MYLK4: variants seen among roughly 807,000 people sequenced by gnomAD.
The protein encoded by MYLK4 is myosin light chain kinase family member 4.
In MYLK4, 46 loss-of-function variants were observed where a neutral mutation model predicts 48.1. That is an observed-to-expected ratio of 0.96 (90% confidence interval 0.75 to 1.22). MYLK4 has a LOEUF of 1.22. Ranked by LOEUF, MYLK4 falls within the 50% of genes most tolerant of loss-of-function variation. The pLI is 0.00. For synonymous variants in MYLK4, 170 were observed against 180.8 expected (o/e 0.94, Z 0.48); for missense variants, 451 against 486.1 (o/e 0.93, Z 0.68).
At chr6:2,766,395 C>A in the MYLK4 span, 1 of 1,606,542 alleles carries the variant, frequency 6.2e-7, no homozygotes, top group Admixed American at 1.7e-5. Flanking sequence ...CTCCTGGAGA[C>A]CAACGAAATC....
intron 2 of MYLK4, among the ~76,000 whole-genome samples, chr6:2,715,706 T>C (rs764954407): frequency 8.5e-5 from 13 of 152,220 alleles, no homozygotes; most frequent in Non-Finnish European, 1.9e-4. Context: ...TCAAAACCGC[T>C]AGCAAACATG....
intron 2 of MYLK4, among the ~76,000 whole-genome samples, chr6:2,734,154 C>T (rs1582112777): frequency 6.6e-6 from 1 of 152,328 alleles, no homozygotes; most frequent in African/African-American, 2.4e-5. Context: ...CTCATGTCTG[C>T]AAACCCTTGC....
intron 2 of MYLK4, among the ~76,000 whole-genome samples, chr6:2,738,361 T>G (rs1459848351): frequency 1.3e-5 from 2 of 152,248 alleles, no homozygotes; most frequent in African/African-American, 4.8e-5. Flanking sequence ...CAAAGTATTT[T>G]AGAGCATGCT....
rs532155495 is a variant in MYLK4 at position 2,664,072 on chromosome 6, A to G, written c.*3853T>C. On this transcript the variant is annotated 3_prime_UTR_variant, in exon 13 of 13. Transcript: ENST00000274643. ...AGACTCCAAGCTATGTGAGGAAGTC[A>G]TCTTAATCCAGGAACCCAATATCTA... 1 of 152,380 alleles carries G rather than the reference A, an allele frequency of 6.6e-6. No homozygotes were observed. Among genetic ancestry groups the G allele is most frequent in the East Asian group, 1.9e-4 (1 of 5,198 alleles). The allele number at this position is 152,380 out of a possible 1,614,324, so 9.4% of individuals were successfully genotyped here. A position where few individuals can be genotyped will look rare whatever the true frequency, so the allele number is the denominator to read the frequency against.
intron 7 of MYLK4, among the ~76,000 whole-genome samples, chr6:2,680,832 G>A (rs111668893): frequency 5.9e-5 from 9 of 152,286 alleles, no homozygotes; most frequent in African/African-American, 1.9e-4. Context: ...TTTCTCTCCA[G>A]TCGTTCTTCA....
At chr6:2,683,391 T>TTTTTTGTGTG (rs556476421) in intron 6 of MYLK4, among the ~76,000 whole-genome samples, 6 of 126,584 alleles carry the variant, frequency 4.7e-5, no homozygotes, top group Admixed American at 8.5e-5. Flanking sequence ...CCCCACCTTT[T>TTTTTTGTGTG]TGTGTGTGTG....
chr6:2,720,068 A>G (rs1464349243), intron 2 of MYLK4, among the ~76,000 whole-genome samples: 3 of 152,124 alleles, frequency 2.0e-5, no homozygotes, highest in African/African-American at 7.2e-5. Flanking sequence ...ATTCTAATAC[A>G]CAGACAAGTT....
At chr6:2,765,871 A>G in the MYLK4 span, 1 of 1,445,164 alleles carries the variant, frequency 6.9e-7, no homozygotes, top group Non-Finnish European at 9.1e-7. Context: ...TGAAGCAGCC[A>G]GCCACCCCGA....
the MYLK4 span, among the ~76,000 whole-genome samples, chr6:2,762,692 C>T: frequency 1.3e-5 from 2 of 152,322 alleles, no homozygotes; most frequent in East Asian, 1.9e-4. Flanking sequence ...GATGAATAAA[C>T]GCATAGACCC....
chr6:2,671,765 T>C (rs1321434126), intron 11 of MYLK4, among the ~76,000 whole-genome samples: 1 of 152,214 alleles, frequency 6.6e-6, no homozygotes, highest in Admixed American at 6.5e-5. Context: ...ACAACGGTAA[T>C]GTGAATTCCA....
rs780621935 is a variant in MYLK4, at chr6:2,725,539, GAAAGAAAC to G, written c.159+23589_159+23596del. ...ACAGAGAGAGAGAAAAAGAAACAAA[GAAAGAAAC>G]AAAGAAACAAAGAAAGAAAGAAAGA... On this transcript the variant is annotated intron_variant, in intron 2 of 12. Coordinates refer to ENST00000274643, the MANE Select transcript of MYLK4 (RefSeq NM_001012418.5). Among the ~76,000 whole-genome samples, 116 of 134,136 alleles carry G rather than the reference GAAAGAAAC, an allele frequency of 8.6e-4. 1 individual carries two copies. The highest frequency in any genetic ancestry group is 2.6e-3 in the African/African-American group (94 of 36,162). The allele number at this position is 134,136 out of a possible 152,430, so 88.0% of individuals were successfully genotyped here.
intron 10 of MYLK4, 63 bp downstream of exon 10, chr6:2,678,157 G>A (rs1761150001): frequency 6.4e-7 from 1 of 1,570,374 alleles, no homozygotes; most frequent in Admixed American, 1.8e-5. Flanking sequence ...AACAGCCCTG[G>A]TGGTAGGCCC....
At chr6:2,668,421 C>T (rs1179435318) in intron 12 of MYLK4, among the ~76,000 whole-genome samples, 2 of 152,122 alleles carry the variant, frequency 1.3e-5, no homozygotes, top group Non-Finnish European at 2.9e-5. Flanking sequence ...CATAAGTTGG[C>T]AAAAGATATA....
the MYLK4 span, among the ~76,000 whole-genome samples, chr6:2,758,771 GTC>G: frequency 5.9e-5 from 9 of 152,090 alleles, no homozygotes; most frequent in African/African-American, 2.2e-4. Context: ...AGTTAAAACT[GTC>G]TGTAACCCAT....
chr6:2,690,385 C>A (rs886997351), intron 3 of MYLK4, among the ~76,000 whole-genome samples: 1 of 152,182 alleles, frequency 6.6e-6, no homozygotes, highest in Admixed American at 6.5e-5. Flanking sequence ...AAAATGGATC[C>A]TACTGCTGAA....
At chr6:2,725,146 G>A (rs1561867665) in intron 2 of MYLK4, among the ~76,000 whole-genome samples, 1 of 151,702 alleles carries the variant, frequency 6.6e-6, no homozygotes, top group Non-Finnish European at 1.5e-5. Flanking sequence ...GTGAGACTCT[G>A]CCTCAAAAAC....
intron 2 of MYLK4, among the ~76,000 whole-genome samples, chr6:2,723,542 C>T (rs1222554263): frequency 6.6e-6 from 1 of 152,258 alleles, no homozygotes; most frequent in Non-Finnish European, 1.5e-5. Flanking sequence ...GTTCTCTCGC[C>T]CTCGCTGGCA....
chr6:2,749,478 T>A (rs578139996), intron 1 of MYLK4, 72 bp from the exon 2 acceptor site: 54 of 457,246 alleles, frequency 1.2e-4, no homozygotes, highest in African/African-American at 9.4e-4. Context: ...AAATGACCAG[T>A]GAGAATTTGG....
rs373558574 is a variant in MYLK4 at position 2,675,085 on chromosome 6, A to G, written c.1081T>C (p.Leu361=). 6.8e-6 allele frequency: 11 copies of G among 1,614,170 alleles called. No individual in the cohort carries two copies. The highest frequency in any genetic ancestry group is 2.2e-5 in the East Asian group (1 of 44,890). The change falls in exon 11 of 13, where the codon TTG becomes CTG. Residue 361 remains leucine, a synonymous_variant. Coordinates refer to ENST00000274643, the MANE Select transcript of MYLK4 (RefSeq NM_001012418.5). ...SASEALKHPW[L]SDHKLHSRLN... is the part of the protein sequence containing the mutation. ...CTGGAGTGGAGCTTGTGGTCTGACA[A>G]CCAGGGGTGCTTGAGAGCTTCGCTT...
Sources: allele counts gnomAD v4.1 joint callset (sites outside exome capture counted in the v4.1 genomes callset), GRCh38; gene constraint gnomAD v4.1.1; transcripts MANE v1.5; gene names NCBI Gene and HGNC (gene_info 2026-07-23, HGNC 2026-07-21).